ABCG1: variants seen among roughly 807,000 people sequenced by gnomAD.
ABCG1 encodes the protein ATP-binding cassette sub-family G member 1.
A neutral mutation model predicts 69.2 loss-of-function variants in ABCG1; 29 were observed. The ratio of observed to expected loss-of-function variants is 0.42; its 90% CI spans 0.31 to 0.57. ABCG1 has a LOEUF of 0.57. Ranked by LOEUF, ABCG1 falls within the 20% of genes least tolerant of loss-of-function variation. The pLI is 0.15. For missense variants in ABCG1, 718 were observed against 898.1 expected, an observed-to-expected ratio of 0.80 and a Z score of 2.56; for synonymous variants, 370 against 374.8, an observed-to-expected ratio of 0.99 and a Z score of 0.15.
chr21:42,252,805 G>A (rs1372090715), intron 2 of ABCG1, among the ~76,000 whole-genome samples: 2 of 152,080 alleles, frequency 1.3e-5, no homozygotes, highest in Non-Finnish European at 2.9e-5. Flanking sequence ...TCCCCACTTG[G>A]ATTTTAACCC....
chr21:42,201,513 G>A (rs927348849), intron 1 of ABCG1: 2 of 1,141,244 alleles, frequency 1.8e-6, no homozygotes, highest in Non-Finnish European at 1.2e-6. Flanking sequence ...ACATGACAGG[G>A]TGAGCTACCC....
chr21:42,215,143 T>C (rs1833352611), upstream of ABCG1, among the ~76,000 whole-genome samples: 1 of 151,884 alleles, frequency 6.6e-6, no homozygotes, highest in African/African-American at 2.4e-5. Context: ...GTTGTTGGGG[T>C]CCTGCAGAAG....
In ABCG1 at chr21:42,219,336, C is replaced by G; in HGVS notation, c.42+32C>G. On this transcript the variant is annotated intron_variant, in intron 1 of 14. Coordinates refer to ENST00000398449, the MANE Select transcript of ABCG1 (RefSeq NM_016818.3). The surrounding 1 kb of genome is among the most constrained non-coding windows in gnomAD (Gnocchi z 5.3). ...GAGCGCATCCTTCGTCCGCCGGGAA[C>G]GGTTTTATTTTCAAGGAGAGCAGGA... The G allele has an allele frequency of 6.3e-7, 1 of 1,593,224 alleles. No individual in the cohort carries two copies. Among genetic ancestry groups the G allele is most frequent in the South Asian group, 1.1e-5 (1 of 89,304 alleles).
At chr21:42,240,496 T>G (rs996801714) in intron 2 of ABCG1, among the ~76,000 whole-genome samples, 1 of 152,252 alleles carries the variant, frequency 6.6e-6, no homozygotes, top group Non-Finnish European at 1.5e-5. Context: ...TGTCACCCAG[T>G]CTGGAGTGCA....
chr21:42,217,214 G>A (rs534233468), upstream of ABCG1, among the ~76,000 whole-genome samples: 20 of 152,208 alleles, frequency 1.3e-4, no homozygotes, highest in Admixed American at 5.9e-4. Flanking sequence ...ATAAATCTTC[G>A]GGCAGAGAAC....
intron 5 of ABCG1, among the ~76,000 whole-genome samples, 172 bp from the exon 6 acceptor site, chr21:42,282,102 C>T (rs1453782140): frequency 1.3e-5 from 2 of 152,220 alleles, no homozygotes; most frequent in African/African-American, 2.4e-5. Flanking sequence ...TGGCACCTGC[C>T]CCACTTGGCA....
In ABCG1 at chr21:42,276,843, C is replaced by T. The variant is rs2068720646; in HGVS notation, c.538-52C>T. 4 of 1,599,788 alleles carry T rather than the reference C, an allele frequency of 2.5e-6. No individual in the cohort carries two copies. The highest frequency in any genetic ancestry group is 3.4e-6 in the Non-Finnish European group (4 of 1,167,856). Reference sequence around the variant, plus strand: ...CTGCAGTGCGGGCATGAGGCTCACACTGCCAGTGGCCGTCTGTTCTGCTTC... The same window carrying T: ...CTGCAGTGCGGGCATGAGGCTCACATTGCCAGTGGCCGTCTGTTCTGCTTC... On this transcript the variant is annotated intron_variant, in intron 4 of 14. Coordinates refer to ENST00000398449, the MANE Select transcript of ABCG1 (RefSeq NM_016818.3). The surrounding 1 kb of genome is among the most constrained non-coding windows in gnomAD (Gnocchi z 5.3).
intron 1 of ABCG1, among the ~76,000 whole-genome samples, chr21:42,200,305 C>A (rs192893840): frequency 6.6e-6 from 1 of 152,174 alleles, no homozygotes; most frequent in African/African-American, 2.4e-5. Context: ...AGGGTCCCAA[C>A]GGGTTTCTAG....
At chr21:42,206,975 T>C (rs2067548367) in intron 2 of ABCG1, 1 of 152,108 alleles carries the variant, frequency 6.6e-6, no homozygotes, top group African/African-American at 2.4e-5. Flanking sequence ...TAAATTGCTT[T>C]TTCCCCTATA....
intron 2 of ABCG1, chr21:42,259,328 T>G: frequency 2.6e-6 from 4 of 1,548,568 alleles, no homozygotes; most frequent in Non-Finnish European, 3.5e-6. Flanking sequence ...CAGCCGTGCA[T>G]GTACAGGTGG....
intron 2 of ABCG1, among the ~76,000 whole-genome samples, chr21:42,235,105 C>T (rs2067960014): frequency 6.6e-6 from 1 of 152,310 alleles, no homozygotes; most frequent in South Asian, 2.1e-4. Context: ...CTGGTGTTCT[C>T]CTCCCCAGGT....
At chr21:42,230,044 AAGG>A (rs1285235429) in intron 2 of ABCG1, among the ~76,000 whole-genome samples, 1 of 152,236 alleles carries the variant, frequency 6.6e-6, no homozygotes, top group Non-Finnish European at 1.5e-5. Flanking sequence ...TATTTTAAAG[AAGG>A]AGAACTTCAC....
At chr21:42,271,789 C>T (rs1249752925) in intron 3 of ABCG1, among the ~76,000 whole-genome samples, 1 of 152,142 alleles carries the variant, frequency 6.6e-6, no homozygotes, top group Admixed American at 6.5e-5. Flanking sequence ...GAGGCTGAGG[C>T]AGGAGAATCA....
chr21:42,205,018 GTT>G (rs746194754), intron 2 of ABCG1, among the ~76,000 whole-genome samples: 2 of 135,230 alleles, frequency 1.5e-5, no homozygotes. Context: ...TGTTTTTGTT[GTT>G]TTTTTTTTTT....
chr21:42,201,260 C>A (rs1263828460), intron 1 of ABCG1, among the ~76,000 whole-genome samples: 1 of 150,964 alleles, frequency 6.6e-6, no homozygotes, highest in East Asian at 1.9e-4. Context: ...CTCAGCTCCA[C>A]CTTAGATCAT....
intron 8 of ABCG1, among the ~76,000 whole-genome samples, chr21:42,286,910 T>A (rs2068951879): frequency 1.3e-5 from 2 of 152,128 alleles, no homozygotes; most frequent in Admixed American, 1.3e-4. Context: ...CCTGGAAACA[T>A]TGCCTGGCAG....
intron 2 of ABCG1, among the ~76,000 whole-genome samples, chr21:42,208,260 T>C (rs964477609): frequency 2.6e-5 from 4 of 151,722 alleles, no homozygotes; most frequent in Non-Finnish European, 5.9e-5. Flanking sequence ...CATTTGCATT[T>C]CCAGGTTTTC....
intron 2 of ABCG1, among the ~76,000 whole-genome samples, 159 bp from the exon 3 acceptor site, chr21:42,270,911 G>A (rs1310634510): frequency 1.3e-5 from 2 of 152,194 alleles, no homozygotes; most frequent in Admixed American, 6.5e-5. Context: ...CAGGGAATTC[G>A]AAAGACATGA....
At chr21:42,251,205 T>C (rs746535167) in intron 2 of ABCG1, among the ~76,000 whole-genome samples, 8 of 152,166 alleles carry the variant, frequency 5.3e-5, no homozygotes, top group Non-Finnish European at 8.8e-5. Context: ...ATGATGAGTC[T>C]GCAAATTGAA....
Sources: allele counts gnomAD v4.1 joint callset (sites outside exome capture counted in the v4.1 genomes callset), GRCh38; gene constraint gnomAD v4.1.1; non-coding constraint Gnocchi (gnomAD v3.1); transcripts MANE v1.5; gene names NCBI Gene and HGNC (gene_info 2026-07-23, HGNC 2026-07-21).